The following MLIP variants were observed in gnomAD, a reference collection of about 807,000 sequenced individuals.
MLIP encodes the protein muscular LMNA interacting protein, also known as muscular LMNA-interacting protein.
In MLIP, 79 loss-of-function variants were observed where a neutral mutation model predicts 84.8. That is an observed-to-expected ratio of 0.93 (90% CI 0.78 to 1.12). The LOEUF is 1.12. Among genes scored for constraint, MLIP ranks in the 50% most tolerant of loss-of-function variants. MLIP has a pLI of 0.00. For synonymous variants in MLIP, 504 were observed against 463.0 expected (o/e 1.09, Z -1.14); for missense variants, 1,257 against 1,160.6 (o/e 1.08, Z -1.21).
intron 3 of MLIP, among the ~76,000 whole-genome samples, chr6:54,135,846 C>T (rs1343910835): frequency 1.3e-5 from 2 of 152,118 alleles, no homozygotes; most frequent in African/African-American, 4.8e-5. Context: ...TACCTACATC[C>T]AGTTGTTTCA....
In MLIP at chr6:54,236,140, C is replaced by T. The variant is rs139082863; in HGVS notation, c.2922+5223C>T. Among the ~76,000 whole-genome samples, 311 of 152,314 alleles carry T rather than the reference C, an allele frequency of 2.0e-3. 2 individuals are homozygous for T. Among genetic ancestry groups the T allele is most frequent in the African/African-American group, 7.1e-3 (297 of 41,572 alleles). On this transcript the variant is annotated intron_variant, in intron 12 of 13. Coordinates refer to ENST00000502396, the MANE Select transcript of MLIP (RefSeq NM_001281747.2). ...AAACCATCCGTATTTGTGAGTTCAT[C>T]TACTCACTAAAATTTATTTGTAACC...
chr6:54,108,347 A>G (rs937306560), upstream of MLIP, among the ~76,000 whole-genome samples: 2 of 152,148 alleles, frequency 1.3e-5, no homozygotes, highest in Non-Finnish European at 1.5e-5. Context: ...TAGAGGATAG[A>G]TTCTCTTCTC....
Position 54,041,895 on chromosome 6 carries a change from C to T in MLIP, c.63+22804C>T, listed in dbSNP as rs543829515. 4.6e-5 allele frequency among the ~76,000 whole-genome samples: 7 copies of T among 152,178 alleles called. No individual in the cohort carries two copies. In the South Asian group the frequency reaches 1.5e-3, roughly 32 times the overall value. On this transcript the variant is annotated intron_variant, in intron 1 of 12. Coordinates refer to the MLIP transcript ENST00000274897. ...AATTTAGCTTCCCGGACCTCAGGCA[C>T]CAAATGCTCATTATGACAACCAAAA...
At chr6:54,048,060 TA>T (rs888354399) in intron 1 of MLIP, among the ~76,000 whole-genome samples, 2 of 152,070 alleles carry the variant, frequency 1.3e-5, no homozygotes, top group Admixed American at 1.3e-4. Context: ...AGCCCTGTAG[TA>T]AAGAAGACCA....
chr6:54,119,170 C>G (rs182629058), intron 1 of MLIP, among the ~76,000 whole-genome samples: 2 of 152,314 alleles, frequency 1.3e-5, no homozygotes, highest in Admixed American at 1.3e-4. Flanking sequence ...ACCATATGAT[C>G]TAGCAATCCC....
In MLIP at chr6:54,023,829, C is replaced by T. The variant is rs540809974; in HGVS notation, c.63+4738C>T. On this transcript the variant is annotated intron_variant, in intron 1 of 12. Coordinates refer to the MLIP transcript ENST00000274897. ...AGGTGATCCACCCGCCTCAGCCTCC[C>T]AAAGTGATAGGATTACAGGCGAGAG... Among the ~76,000 whole-genome samples, 22 of 152,242 alleles carry T rather than the reference C, an allele frequency of 1.4e-4. No individual in the cohort carries two copies. In the South Asian group the frequency reaches 3.7e-3, roughly 26 times the overall value.
At chr6:54,132,117 G>A (rs1771431024) in intron 3 of MLIP, among the ~76,000 whole-genome samples, 1 of 152,184 alleles carries the variant, frequency 6.6e-6, no homozygotes, top group African/African-American at 2.4e-5. Flanking sequence ...ATCTGATAAT[G>A]TTGTATGGGC....
chr6:54,108,304 A>G (rs183885993), upstream of MLIP, among the ~76,000 whole-genome samples: 83 of 152,320 alleles, frequency 5.4e-4, 1 homozygote, highest in African/African-American at 1.9e-3. Context: ...CAGACCATAG[A>G]TGACTTTTTG....
chr6:54,232,008 T>C (rs1407777963), intron 12 of MLIP, among the ~76,000 whole-genome samples: 1 of 152,142 alleles, frequency 6.6e-6, no homozygotes, highest in Non-Finnish European at 1.5e-5. Flanking sequence ...AAAATATCAG[T>C]TTTTTGCCAA....
rs546838396 is a variant in MLIP, at chr6:54,088,473, T to G, written c.64-32974T>G. 2.2e-4 allele frequency among the ~76,000 whole-genome samples: 33 copies of G among 152,218 alleles called. No homozygotes were observed. In the South Asian group the frequency reaches 6.4e-3, roughly 30 times the overall value. On this transcript the variant is annotated intron_variant, in intron 1 of 12. Coordinates refer to the MLIP transcript ENST00000274897. ...TGTGTCATTATTTAACCTTAGAAGATAAATGTCCCTCATCCCCATATCTCT... is the reference window on the plus strand; with the variant it reads ...TGTGTCATTATTTAACCTTAGAAGAGAAATGTCCCTCATCCCCATATCTCT...
intron 1 of MLIP, among the ~76,000 whole-genome samples, chr6:54,111,956 C>T (rs888996408): frequency 2.6e-5 from 4 of 152,096 alleles, no homozygotes; most frequent in African/African-American, 7.2e-5. Flanking sequence ...GCGTGGCATG[C>T]GGGAAAACAG....
intron 1 of MLIP, among the ~76,000 whole-genome samples, chr6:54,023,955 G>A (rs1469114302): frequency 6.6e-6 from 1 of 152,186 alleles, no homozygotes; most frequent in African/African-American, 2.4e-5. Flanking sequence ...AAGCTACAAA[G>A]AATTTTAGAA....
intron 8 of MLIP, among the ~76,000 whole-genome samples, chr6:54,161,849 C>T (rs1774670628): frequency 6.6e-6 from 1 of 151,634 alleles, no homozygotes; most frequent in South Asian, 2.1e-4. Context: ...TGCTTTAAGC[C>T]TTTTAATCTA....
chr6:54,111,539 G>T lies in MLIP; in HGVS notation c.60G>T (p.Ser20=). The change falls in exon 1 of 14, where the codon TCG becomes TCT. Residue 20 remains serine (S), a synonymous_variant. Coordinates refer to ENST00000502396, the MANE Select transcript of MLIP (RefSeq NM_001281747.2). ...GGAACAATTACTTCCAAATGACCTC[G>T]TGCATCTTATCAGGGAGCATTCAGA... ...DCGNNYFQMT[S]CILSGSIQTT... 7 of 1,536,004 alleles carry T rather than the reference G, an allele frequency of 4.6e-6. No individual in the cohort carries two copies. The highest frequency in any genetic ancestry group is 6.1e-6 in the Non-Finnish European group (7 of 1,146,852).
In MLIP at chr6:54,230,922, GAACTCC is replaced by G. The variant is rs764475581; in HGVS notation, c.2922+6_2922+11del. 8 of 1,613,594 alleles carry G rather than the reference GAACTCC, an allele frequency of 5.0e-6. No individual in the cohort carries two copies. In the East Asian group the frequency reaches 1.8e-4, roughly 36 times the overall value. The stretch of plus-strand genomic sequence containing the variant: ...AGTCACAACGCATGCAACAAGGTGA[GAACTCC>G]TCCCCAAAATGAGGACTATTCTATT... On this transcript the variant is annotated splice_donor_region_variant and intron_variant, in intron 12 of 13. Transcript: ENST00000502396.
At chr6:54,260,109 C>G (rs535047551) in intron 13 of MLIP, among the ~76,000 whole-genome samples, 2 of 152,002 alleles carry the variant, frequency 1.3e-5, no homozygotes, top group African/African-American at 4.8e-5. Flanking sequence ...TTGCTTACTA[C>G]CAGACTGTCA....
intron 9 of MLIP, among the ~76,000 whole-genome samples, chr6:54,180,256 C>A (rs1776720252): frequency 6.6e-6 from 1 of 152,000 alleles, no homozygotes; most frequent in African/African-American, 2.4e-5. Context: ...CTTTCTTTAT[C>A]CTTTACTTTT....
At chr6:54,263,760 A>G (rs1457413197) in intron 13 of MLIP, among the ~76,000 whole-genome samples, 2 of 152,082 alleles carry the variant, frequency 1.3e-5, no homozygotes, top group African/African-American at 4.8e-5. Flanking sequence ...GTGTTCCAGA[A>G]TTATGACTTC....
chr6:54,156,742 C>T (rs1162141070), intron 5 of MLIP, among the ~76,000 whole-genome samples: 1 of 152,058 alleles, frequency 6.6e-6, no homozygotes, highest in East Asian at 1.9e-4. Flanking sequence ...CCCAGTGATT[C>T]ATCATAAAGA....
Sources: allele counts gnomAD v4.1 joint callset (sites outside exome capture counted in the v4.1 genomes callset), GRCh38; gene constraint gnomAD v4.1.1; transcripts MANE v1.5; gene names NCBI Gene and HGNC (gene_info 2026-07-23, HGNC 2026-07-21).